NAV3: variants seen among roughly 807,000 people sequenced by gnomAD.
NAV3 encodes the protein neuron navigator 3, also known as pore membrane and/or filament interacting like protein 1.
A neutral mutation model predicts 244.7 loss-of-function variants in NAV3; 87 were observed. The ratio of observed to expected loss-of-function variants is 0.36; its 90% confidence interval spans 0.30 to 0.42. NAV3 has a LOEUF of 0.42. Among genes scored for constraint, NAV3 ranks in the 20% least tolerant of loss-of-function variants. NAV3 has a pLI of 1.00. For synonymous variants in NAV3, 1,126 were observed against 1,042.2 expected (o/e 1.08, Z -1.55); for missense variants, 2,663 against 2,893.3 (o/e 0.92, Z 1.83).
chr12:77,860,914 A>G (rs1291621752), intron 1 of NAV3, among the ~76,000 whole-genome samples: 4 of 151,920 alleles, frequency 2.6e-5, no homozygotes, highest in Non-Finnish European at 5.9e-5. Flanking sequence ...AGACTTGATC[A>G]ATTTGGCCTG....
upstream of NAV3, among the ~76,000 whole-genome samples, chr12:77,829,310 C>A (rs992129120): frequency 6.6e-6 from 1 of 152,148 alleles, no homozygotes; most frequent in African/African-American, 2.4e-5. Flanking sequence ...TTATGTAATT[C>A]TGAGTCACTT....
At chr12:78,154,738 A>C (rs1957233460) in intron 22 of NAV3, among the ~76,000 whole-genome samples, 1 of 151,946 alleles carries the variant, frequency 6.6e-6, no homozygotes, top group African/African-American at 2.4e-5. Flanking sequence ...AGAACCAAAT[A>C]AACTGTCATT....
chr12:78,196,940 G>A (rs1204995039), intron 34 of NAV3, among the ~76,000 whole-genome samples: 1 of 151,722 alleles, frequency 6.6e-6, no homozygotes. Context: ...AACTCATTTT[G>A]GCTTTTCTTT....
intron 2 of NAV3, among the ~76,000 whole-genome samples, chr12:77,652,883 A>G (rs556191272): frequency 2.0e-5 from 3 of 152,240 alleles, no homozygotes; most frequent in Non-Finnish European, 2.9e-5. Context: ...GTGAAGTGAA[A>G]GCAATGCTAG....
chr12:77,630,831 A>G (rs941830401), intron 2 of NAV3, among the ~76,000 whole-genome samples: 19 of 152,088 alleles, frequency 1.2e-4, no homozygotes, highest in African/African-American at 4.6e-4. Flanking sequence ...GGCTTCTTTC[A>G]CCCTCTGAAT....
chr12:77,941,241 A>C, intron 3 of NAV3, 108 bp downstream of exon 3: 4 of 732,124 alleles, frequency 5.5e-6, no homozygotes, highest in Non-Finnish European at 9.0e-6. Flanking sequence ...CTGCTTAAGA[A>C]ACCATTTGAT....
At chr12:78,074,354 G>A (rs1185644330) in intron 12 of NAV3, among the ~76,000 whole-genome samples, 1 of 152,168 alleles carries the variant, frequency 6.6e-6, no homozygotes, top group African/African-American at 2.4e-5. Context: ...GTGAAGTTTT[G>A]AGGAGAGTTT....
chr12:78,177,902 C>T (rs1306703941), intron 28 of NAV3, among the ~76,000 whole-genome samples: 2 of 142,444 alleles, frequency 1.4e-5, no homozygotes, highest in Non-Finnish European at 3.1e-5. Context: ...TATGATAGCC[C>T]ACTTTTTGGT....
At chr12:78,168,433 G>A (rs141848839) in intron 23 of NAV3, among the ~76,000 whole-genome samples, 5 of 151,896 alleles carry the variant, frequency 3.3e-5, no homozygotes, top group African/African-American at 7.2e-5. Flanking sequence ...TAGTAAGTGT[G>A]TTATCTGAAA....
chr12:78,067,509 C>G (rs746237195), intron 12 of NAV3, among the ~76,000 whole-genome samples: 1 of 152,050 alleles, frequency 6.6e-6, no homozygotes, highest in Non-Finnish European at 1.5e-5. Flanking sequence ...TTAAAATTAA[C>G]TGTGCCCATT....
At chr12:77,900,278 A>G (rs537643378) in intron 1 of NAV3, among the ~76,000 whole-genome samples, 10 of 152,010 alleles carry the variant, frequency 6.6e-5, no homozygotes, top group African/African-American at 2.2e-4. Flanking sequence ...GGGTTTCACC[A>G]TGTTAGCCAG....
chr12:77,892,566 G>C (rs1246701413), intron 1 of NAV3, among the ~76,000 whole-genome samples: 1 of 151,806 alleles, frequency 6.6e-6, no homozygotes, highest in Non-Finnish European at 1.5e-5. Context: ...CAGGTGCATG[G>C]CACAACACCT....
chr12:77,640,816 C>T (rs1443900952), intron 2 of NAV3, among the ~76,000 whole-genome samples: 6 of 152,080 alleles, frequency 3.9e-5, no homozygotes, highest in African/African-American at 1.4e-4. Flanking sequence ...TTACTGGAGC[C>T]GAAATGAGGG....
intron 12 of NAV3, among the ~76,000 whole-genome samples, chr12:78,084,581 ACT>A (rs137892375): frequency 2.7e-5 from 4 of 150,088 alleles, no homozygotes; most frequent in East Asian, 2.0e-4. Flanking sequence ...TTGAGCCACC[ACT>A]CTCTCTCTCT....
chr12:77,874,222 T>C (rs1429855996), intron 1 of NAV3, among the ~76,000 whole-genome samples: 4 of 151,994 alleles, frequency 2.6e-5, no homozygotes, highest in African/African-American at 7.2e-5. Context: ...TTTATTTTTA[T>C]TTATTTGTTT....
At chr12:77,717,898 C>A (rs1022607503) in intron 2 of NAV3, among the ~76,000 whole-genome samples, 10 of 152,134 alleles carry the variant, frequency 6.6e-5, no homozygotes, top group African/African-American at 1.9e-4. Flanking sequence ...CTATTGAAAC[C>A]CTTTGCCCAT....
At chr12:77,941,243 C>A (rs1889840734) in intron 3 of NAV3, 110 bp downstream of exon 3, 6 of 690,174 alleles carry the variant, frequency 8.7e-6, no homozygotes, top group African/African-American at 1.8e-5. Flanking sequence ...GCTTAAGAAA[C>A]CATTTGATCC....
chr12:78,141,255 T>G (rs1956599455), intron 20 of NAV3, among the ~76,000 whole-genome samples: 1 of 140,700 alleles, frequency 7.1e-6, no homozygotes, highest in African/African-American at 2.6e-5. Context: ...CGTGTGACAT[T>G]ATAATTCATT....
intron 2 of NAV3, among the ~76,000 whole-genome samples, chr12:77,694,371 G>A (rs1000622620): frequency 6.6e-6 from 1 of 151,776 alleles, no homozygotes; most frequent in African/African-American, 2.4e-5. Flanking sequence ...TACTCAGGAG[G>A]CTGAGGCAGG....
Sources: allele counts gnomAD v4.1 joint callset (sites outside exome capture counted in the v4.1 genomes callset), GRCh38; gene constraint gnomAD v4.1.1; transcripts MANE v1.5; gene names NCBI Gene and HGNC (gene_info 2026-07-23, HGNC 2026-07-21).